Variants in MTMR3 observed in about 807,000 individuals in gnomAD.
MTMR3 encodes the protein phosphatidylinositol-3,5-bisphosphate 3-phosphatase MTMR3.
Under a neutral mutation model 132.4 loss-of-function variants are expected in MTMR3, and 32 were observed. The observed-to-expected ratio is 0.24, with a 90% CI of 0.18 to 0.32. The LOEUF is 0.32. Among genes scored for constraint, MTMR3 ranks in the 10% least tolerant of loss-of-function variants. MTMR3 has a pLI of 1.00. For synonymous variants in MTMR3, 556 were observed against 550.3 expected (o/e 1.01, Z -0.14); for missense variants, 1,216 against 1,489.6 (o/e 0.82, Z 3.02).
rs79222845 is a variant in MTMR3, at chr22:29,921,227, C to A, written c.-137-35809C>A. On this transcript the variant is annotated intron_variant, in intron 1 of 19. Coordinates refer to ENST00000401950, the MANE Select transcript of MTMR3 (RefSeq NM_021090.4). ...CGTTGGAAGGTGAAGGGGGAACAGG[C>A]GTGTCATGTGGCGAGGGGCAGCAAA... 8.4e-3 allele frequency among the ~76,000 whole-genome samples: 1,273 copies of A among 152,064 alleles called. 8 individuals are homozygous for A. Among genetic ancestry groups the A allele is most frequent in the Non-Finnish European group, 0.014 (921 of 67,992 alleles).
rs968779456 is a variant in MTMR3 at position 30,008,856 on chromosome 22, T to C, written c.1010-162T>C. The C allele has an allele frequency of 7.7e-6, 4 of 517,834 alleles. No homozygotes were observed. In the African/African-American group the frequency reaches 7.8e-5, roughly 10 times the overall value. The allele number at this position is 517,834 out of a possible 1,614,324, so 32.1% of individuals were successfully genotyped here. On this transcript the variant is annotated intron_variant, in intron 11 of 19. Coordinates refer to ENST00000401950, the MANE Select transcript of MTMR3 (RefSeq NM_021090.4). ...TAGCTAAAATTCAGTGTGTTCCTCT[T>C]ATTATAAAGGATTGGGCTAATAGTT...
At chr22:29,971,126 A>G in intron 3 of MTMR3, 64 bp downstream of exon 3, 1 of 1,503,286 alleles carries the variant, frequency 6.7e-7, no homozygotes, top group Non-Finnish European at 9.0e-7. Context: ...CAATTAAGTG[A>G]ACACTAATAA....
At chr22:29,933,706 A>G (rs959414330) in intron 1 of MTMR3, among the ~76,000 whole-genome samples, 2 of 149,716 alleles carry the variant, frequency 1.3e-5, no homozygotes, top group South Asian at 2.1e-4. Flanking sequence ...TAAAGATGAT[A>G]GTGTAAACCC....
intron 1 of MTMR3, among the ~76,000 whole-genome samples, chr22:29,917,476 G>A (rs577498853): frequency 3.9e-5 from 6 of 152,308 alleles, no homozygotes; most frequent in African/African-American, 7.2e-5. Context: ...GGGAGAACGC[G>A]TCTCTTAAAA....
intron 1 of MTMR3, among the ~76,000 whole-genome samples, chr22:29,941,206 TGAGACTTATCCAG>T (rs1240663009): frequency 6.6e-6 from 1 of 152,032 alleles, no homozygotes. Context: ...ATCATGCTTT[TGAGACTTATCCAG>T]GTTGTATCAG....
rs189060104 is a variant in MTMR3, at chr22:29,962,586, G to C, written c.-85+5498G>C. On this transcript the variant is annotated intron_variant, in intron 2 of 19. Coordinates refer to ENST00000401950, the MANE Select transcript of MTMR3 (RefSeq NM_021090.4). ...CTCTGGAGGCTGAGGCAGGAAGATC[G>C]CTGGAGCCCAGGAGGTTGAGGCCGC... 2.0e-5 allele frequency among the ~76,000 whole-genome samples: 3 copies of C among 152,198 alleles called. No homozygotes were observed. The East Asian group carries it at 5.8e-4, about 29-fold the overall frequency.
chr22:29,987,852 C>T (rs1490735512), intron 5 of MTMR3: 1 of 152,220 alleles, frequency 6.6e-6, no homozygotes. Context: ...GCTTTAGCAT[C>T]CTTGATCACT....
At chr22:29,910,151 G>C (rs1285524479) in intron 1 of MTMR3, among the ~76,000 whole-genome samples, 1 of 141,966 alleles carries the variant, frequency 7.0e-6, no homozygotes, top group Non-Finnish European at 1.5e-5. Flanking sequence ...GTGACAGAAC[G>C]AGACTCCATC....
intron 2 of MTMR3, among the ~76,000 whole-genome samples, chr22:29,968,340 C>T (rs2066470128): frequency 6.6e-6 from 1 of 152,154 alleles, no homozygotes; most frequent in Non-Finnish European, 1.5e-5. Context: ...TAAGATACAG[C>T]AGTTTGAATG....
intron 1 of MTMR3, among the ~76,000 whole-genome samples, chr22:29,949,477 T>TA (rs2066029429): frequency 7.2e-6 from 1 of 139,360 alleles, no homozygotes; most frequent in Non-Finnish European, 1.5e-5. Flanking sequence ...GCCTGGGTGA[T>TA]AAAGTAAGAC....
intron 1 of MTMR3, among the ~76,000 whole-genome samples, chr22:29,893,013 A>C (rs933067657): frequency 6.6e-6 from 1 of 152,218 alleles, no homozygotes; most frequent in African/African-American, 2.4e-5. Context: ...AGGTAGACTG[A>C]AAGTTCTGCA....
intron 3 of MTMR3, among the ~76,000 whole-genome samples, chr22:29,974,461 G>A (rs904791777): frequency 2.0e-5 from 3 of 152,192 alleles, no homozygotes; most frequent in African/African-American, 7.2e-5. Flanking sequence ...TGTGAATTGA[G>A]ACAATAGCTT....
intron 2 of MTMR3, among the ~76,000 whole-genome samples, chr22:29,969,121 CTTTG>C (rs1352323369): frequency 1.3e-5 from 2 of 152,184 alleles, no homozygotes; most frequent in African/African-American, 4.8e-5. Flanking sequence ...TACTTGGCAT[CTTTG>C]TTTGGATATG....
chr22:29,976,216 G>T (rs1738717741), intron 3 of MTMR3, among the ~76,000 whole-genome samples: 1 of 151,680 alleles, frequency 6.6e-6, no homozygotes, highest in East Asian at 1.9e-4. Flanking sequence ...GGTGGGAGAT[G>T]AGAGGTTTTC....
At chr22:29,976,116 GT>G (rs1283496402) in intron 3 of MTMR3, among the ~76,000 whole-genome samples, 1 of 127,592 alleles carries the variant, frequency 7.8e-6, no homozygotes, top group Non-Finnish European at 1.7e-5. Flanking sequence ...TTATTATAGT[GT>G]GTGTTTTTTT....
chr22:29,943,492 G>C (rs1202694795), intron 1 of MTMR3, among the ~76,000 whole-genome samples: 1 of 152,006 alleles, frequency 6.6e-6, no homozygotes, highest in African/African-American at 2.4e-5. Context: ...GCCTGGCCTT[G>C]ATGTGTGTAT....
chr22:30,019,516 A>G lies in MTMR3; in HGVS notation c.1857A>G (p.Thr619=). The G allele has an allele frequency of 6.2e-7, 1 of 1,610,068 alleles. No individual in the cohort carries two copies. The highest frequency in any genetic ancestry group is 1.1e-5 in the South Asian group (1 of 91,074). ...PKTRSYDNLT[T]ACDNTVPLAS... ...CTAGATCATACGACAATCTGACCAC[A>G]GCCTGTGACAACACAGTGCCTCTGG... The change falls in exon 17 of 20, where the codon ACA becomes ACG. Residue 619 remains threonine, a synonymous_variant. Coordinates refer to ENST00000401950, the MANE Select transcript of MTMR3 (RefSeq NM_021090.4).
At chr22:29,897,481 C>G (rs1463130258) in intron 1 of MTMR3, among the ~76,000 whole-genome samples, 1 of 152,082 alleles carries the variant, frequency 6.6e-6, no homozygotes, top group East Asian at 1.9e-4. Context: ...GAGACGGGCT[C>G]TCACTCTGTT....
At chr22:29,946,670 A>G (rs915444762) in intron 1 of MTMR3, among the ~76,000 whole-genome samples, 5 of 152,284 alleles carry the variant, frequency 3.3e-5, no homozygotes, top group African/African-American at 9.6e-5. Flanking sequence ...TACTACCTGC[A>G]TATTTTTTTT....
Sources: gnomAD v4.1 joint callset for allele counts (sites outside exome capture counted in the v4.1 genomes callset) on GRCh38, gnomAD v4.1.1 for gene constraint, MANE v1.5 for transcripts, NCBI Gene and HGNC (gene_info 2026-07-23, HGNC 2026-07-21) for gene names.